The following HYCC2 variants were observed in gnomAD, a reference collection of about 807,000 sequenced individuals.
The protein encoded by HYCC2 is hyccin 2.
chr2:201,015,847 C>T, the HYCC2 span, among the ~76,000 whole-genome samples: 2 of 152,140 alleles, frequency 1.3e-5, no homozygotes, highest in African/African-American at 4.8e-5. Flanking sequence ...CTTCCAGAAA[C>T]CTCACCGGCT....
At chr2:201,023,415 ATTC>A in the HYCC2 span, among the ~76,000 whole-genome samples, 1 of 152,168 alleles carries the variant, frequency 6.6e-6, no homozygotes, top group Admixed American at 6.6e-5. Context: ...ATAGTACACA[ATTC>A]TTCTAACTAC....
At chr2:201,017,225 GTT>G in the HYCC2 span, 332 of 1,065,396 alleles carry the variant, frequency 3.1e-4, no homozygotes, top group Middle Eastern at 6.8e-4. Context: ...TGTAACTGTT[GTT>G]TTTTTTTTTT....
At chr2:201,060,061 G>A in the HYCC2 span, among the ~76,000 whole-genome samples, 13 of 144,282 alleles carry the variant, frequency 9.0e-5, 1 homozygote, top group African/African-American at 3.3e-4. Flanking sequence ...AAGCGGGGGG[G>A]GGGGGGTTCT....
At chr2:201,029,626 G>T in the HYCC2 span, among the ~76,000 whole-genome samples, 1 of 152,184 alleles carries the variant, frequency 6.6e-6, no homozygotes, top group Non-Finnish European at 1.5e-5. Flanking sequence ...CATGTCTTTT[G>T]TAGGGACAAG....
At chr2:200,995,706 C>T in the HYCC2 span, among the ~76,000 whole-genome samples, 3 of 152,314 alleles carry the variant, frequency 2.0e-5, no homozygotes, top group South Asian at 6.2e-4. Context: ...GATGAGACTG[C>T]AACTCCAGCT....
chr2:200,995,164 A>G, the HYCC2 span, among the ~76,000 whole-genome samples: 10 of 152,240 alleles, frequency 6.6e-5, no homozygotes, highest in Non-Finnish European at 1.5e-4. Context: ...TCTAAATTAG[A>G]GACAAGAATT....
At chr2:200,996,015 A>ATTTTTCT in the HYCC2 span, 1 of 143,250 alleles carries the variant, frequency 7.0e-6, no homozygotes, top group East Asian at 2.0e-4. Flanking sequence ...TATCACTTAA[A>ATTTTTCT]TTTTTCTTTT....
chr2:201,051,799 T>G, the HYCC2 span, among the ~76,000 whole-genome samples: 1 of 152,144 alleles, frequency 6.6e-6, no homozygotes, highest in Non-Finnish European at 1.5e-5. Flanking sequence ...TCTGTCATTG[T>G]GTGGGGTGGG....
At chr2:201,030,107 C>T in the HYCC2 span, among the ~76,000 whole-genome samples, 623 of 151,900 alleles carry the variant, frequency 4.1e-3, 5 homozygotes, top group African/African-American at 0.014. Context: ...ACAAAAAGTC[C>T]GGAAATTTCA....
At chr2:201,002,838 C>T in the HYCC2 span, among the ~76,000 whole-genome samples, 3 of 152,092 alleles carry the variant, frequency 2.0e-5, no homozygotes, top group East Asian at 1.9e-4. Context: ...TATTATTTAG[C>T]GTAACAATTC....
chr2:201,067,032 C>A, the HYCC2 span: 1 of 345,030 alleles, frequency 2.9e-6, no homozygotes, highest in Non-Finnish European at 5.7e-6. Context: ...GATGTTAAAG[C>A]CAACAAGCAC....
the HYCC2 span, among the ~76,000 whole-genome samples, chr2:201,059,459 T>C: frequency 2.0e-5 from 3 of 152,136 alleles, no homozygotes; most frequent in Non-Finnish European, 4.4e-5. Context: ...ATAAGTGAGA[T>C]TGGTGGCTAG....
the HYCC2 span, among the ~76,000 whole-genome samples, chr2:200,994,275 C>T: frequency 8.5e-4 from 129 of 152,120 alleles, no homozygotes; most frequent in African/African-American, 2.6e-3. Context: ...CTCGCTCTGC[C>T]GCGCAGACTG....
At chr2:200,988,313 G>A in the HYCC2 span, 17 of 1,613,580 alleles carry the variant, frequency 1.1e-5, no homozygotes, top group Admixed American at 1.3e-4. Context: ...ATTGCAGTCC[G>A]AGAAATCCTC....
the HYCC2 span, among the ~76,000 whole-genome samples, chr2:201,026,983 T>TA: frequency 1.3e-5 from 2 of 151,950 alleles, no homozygotes; most frequent in Non-Finnish European, 2.9e-5. Flanking sequence ...ACTGAGGAGA[T>TA]AGAGACACAA....
the HYCC2 span, among the ~76,000 whole-genome samples, chr2:201,016,788 C>T: frequency 2.0e-5 from 3 of 151,758 alleles, no homozygotes; most frequent in African/African-American, 4.8e-5. Context: ...TTAGTAGAGA[C>T]GGAGTCTCAC....
the HYCC2 span, chr2:200,978,420 A>G: frequency 2.0e-5 from 3 of 151,458 alleles, no homozygotes; most frequent in East Asian, 5.8e-4. Context: ...ACATACAAAC[A>G]TATATGTATA....
At chr2:201,022,903 A>C in the HYCC2 span, 1 of 1,613,638 alleles carries the variant, frequency 6.2e-7, no homozygotes, top group Non-Finnish European at 8.5e-7. Context: ...AAGTTGCTGC[A>C]TAACTGGTGA....
the HYCC2 span, among the ~76,000 whole-genome samples, chr2:200,990,547 G>A: frequency 6.6e-6 from 1 of 150,658 alleles, no homozygotes; most frequent in African/African-American, 2.4e-5. Context: ...AATTACAAGT[G>A]TGCACCACCA....
Sources: gnomAD v4.1 joint callset for allele counts (sites outside exome capture counted in the v4.1 genomes callset) on GRCh38, gnomAD v4.1.1 for gene constraint, MANE v1.5 for transcripts, NCBI Gene and HGNC (gene_info 2026-07-23, HGNC 2026-07-21) for gene names.